The following EGFL6 variants were observed in gnomAD, a reference collection of about 807,000 sequenced individuals.
The protein encoded by EGFL6 is epidermal growth factor-like protein 6.
Under a neutral mutation model 43.1 loss-of-function variants are expected in EGFL6, and 42 were observed. The observed-to-expected ratio is 0.98, with a 90% confidence interval of 0.76 to 1.26. The LOEUF (loss-of-function observed/expected upper bound fraction) is 1.26, where lower values mean the gene tolerates loss of function less well. Among genes scored for constraint, EGFL6 ranks in the 50% most tolerant of loss-of-function variants. The pLI is 0.00. For missense variants in EGFL6, 429 were observed against 427.8 expected (o/e 1.00, Z -0.02); for synonymous variants, 164 against 163.2 (o/e 1.01, Z -0.04).
chrX:13,630,790 T>A (rs2045806514), intron 11 of EGFL6, among the ~76,000 whole-genome samples: 1 of 112,029 alleles, frequency 8.9e-6, no homozygotes, highest in South Asian at 3.7e-4. Flanking sequence ...AGCCTAAAGT[T>A]GCTTCATTTC....
intron 3 of EGFL6, among the ~76,000 whole-genome samples, chrX:13,595,722 CTTT>C (rs751094085): frequency 2.0e-5 from 2 of 100,344 alleles, no homozygotes; most frequent in Admixed American, 1.1e-4. Flanking sequence ...ACTTCATATA[CTTT>C]TTTTTTTTTT....
chrX:13,610,815 A>G (rs1225863156), intron 7 of EGFL6, among the ~76,000 whole-genome samples: 1 of 111,212 alleles, frequency 9.0e-6, no homozygotes, highest in Admixed American at 9.6e-5. Flanking sequence ...CCTGTTCAAA[A>G]TGGGGTTTAT....
At chrX:13,577,747 G>A (rs1197555342) in intron 1 of EGFL6, among the ~76,000 whole-genome samples, 1 of 112,177 alleles carries the variant, frequency 8.9e-6, no homozygotes, top group Non-Finnish European at 1.9e-5. Flanking sequence ...AAAGTGGACT[G>A]GCCAGAATCT....
At chrX:13,630,550 A>G (rs779309377) in intron 11 of EGFL6, among the ~76,000 whole-genome samples, 10 of 111,844 alleles carry the variant, frequency 8.9e-5, no homozygotes, top group Non-Finnish European at 1.7e-4. Flanking sequence ...TTCTGAAAGC[A>G]GTTCCCTCCT....
In EGFL6 at chrX:13,617,963, A is replaced by G; in HGVS notation, c.1012A>G (p.Lys338Glu). 8.3e-7 allele frequency: 1 copy of G among 1,212,028 alleles called. No individual in the cohort carries two copies. The highest frequency in any genetic ancestry group is 1.1e-6 in the Non-Finnish European group (1 of 895,545). Residue 338 changes from lysine (K) to glutamate (E), a missense_variant, in exon 8 of 12, where the codon AAA becomes GAA. Physicochemically the swap from Lys to Glu is moderately conservative, Grantham distance 56 (BLOSUM62 1). Coordinates refer to ENST00000361306, the MANE Select transcript of EGFL6 (RefSeq NM_015507.4). ...TGGAGGTAAAAAAGGGAATGAAGAG[A>G]AAATGAAAGAGGGGCTTGAGGATGA... ...SHGGKKGNEEKMKEGLEDEKR... is the reference protein window; with the variant it reads ...SHGGKKGNEEEMKEGLEDEKR...
intron 1 of EGFL6, among the ~76,000 whole-genome samples, chrX:13,581,425 C>T (rs2045505252): frequency 9.0e-6 from 1 of 110,824 alleles, no homozygotes; most frequent in Admixed American, 9.5e-5. Context: ...ACTTGCCATA[C>T]TGGGAGCTAT....
intron 10 of EGFL6, among the ~76,000 whole-genome samples, chrX:13,625,962 A>C (rs1205163656): frequency 1.8e-5 from 2 of 110,722 alleles, no homozygotes; most frequent in African/African-American, 6.6e-5. Context: ...GGATAAAACC[A>C]CAAAGACAGC....
At chrX:13,598,955 TA>T (rs1334428100) in intron 3 of EGFL6, among the ~76,000 whole-genome samples, 9 of 104,499 alleles carry the variant, frequency 8.6e-5, no homozygotes, top group African/African-American at 2.4e-4. Flanking sequence ...TATATATATA[TA>T]TATTTTTTTA....
intron 9 of EGFL6, 22 bp from the exon 10 acceptor site, chrX:13,623,802 A>G: frequency 8.6e-7 from 1 of 1,169,443 alleles, no homozygotes; most frequent in Non-Finnish European, 1.2e-6. Flanking sequence ...GGGTTATGAA[A>G]TATGTTCTTT....
chrX:13,621,917 C>CT (rs1200761425), intron 9 of EGFL6, among the ~76,000 whole-genome samples: 1 of 112,504 alleles, frequency 8.9e-6, no homozygotes, highest in Non-Finnish European at 1.9e-5. Flanking sequence ...AGTTTTATCT[C>CT]TGTATGGAAT....
chrX:13,604,606 CTT>C (rs969797904), intron 5 of EGFL6, among the ~76,000 whole-genome samples: 12 of 112,110 alleles, frequency 1.1e-4, no homozygotes, highest in Middle Eastern at 4.6e-3. Flanking sequence ...TGAAGCAACA[CTT>C]TTTTCACTTT....
intron 4 of EGFL6, 70 bp from the exon 5 acceptor site, chrX:13,603,247 G>A: frequency 9.2e-7 from 1 of 1,086,726 alleles, no homozygotes; most frequent in Non-Finnish European, 1.2e-6. Flanking sequence ...TCAGAATTTG[G>A]TGATAGTTTC....
intron 1 of EGFL6, among the ~76,000 whole-genome samples, chrX:13,579,312 C>T (rs5979912): frequency 0.045 from 5,031 of 111,172 alleles, 255 homozygotes; most frequent in African/African-American, 0.15. Context: ...TGGTTCTCAT[C>T]ATTTAGCTCC....
chrX:13,609,055 CAATAA>C (rs1301611834), intron 7 of EGFL6, among the ~76,000 whole-genome samples: 1 of 112,465 alleles, frequency 8.9e-6, no homozygotes, highest in Non-Finnish European at 1.9e-5. Context: ...AGACATCTAA[CAATAA>C]AATGTCACTG....
chrX:13,570,127 G>A (rs1280361182), intron 1 of EGFL6, among the ~76,000 whole-genome samples, 192 bp downstream of exon 1: 2 of 112,178 alleles, frequency 1.8e-5, no homozygotes, highest in South Asian at 3.7e-4. Flanking sequence ...CTCTCCTGTG[G>A]CGGGGCTTTG....
At chrX:13,616,681 G>A (rs1459637189) in intron 7 of EGFL6, among the ~76,000 whole-genome samples, 3 of 111,319 alleles carry the variant, frequency 2.7e-5, no homozygotes, top group Non-Finnish European at 5.7e-5. Flanking sequence ...TCTTAGCTCC[G>A]TCCCTAACAT....
In EGFL6 at chrX:13,597,072, G is replaced by A. The variant is rs766980322; in HGVS notation, c.280+2144G>A. On this transcript the variant is annotated intron_variant, in intron 3 of 11. Coordinates refer to ENST00000361306, the MANE Select transcript of EGFL6 (RefSeq NM_015507.4). ...GTGGGAGGTACTCCCGGCATCTAGT[G>A]AATGGAGCCCAGGGATGCCGCTAAA... 2.7e-5 allele frequency among the ~76,000 whole-genome samples: 3 copies of A among 112,301 alleles called. No individual in the cohort carries two copies. The South Asian group carries it at 1.1e-3, about 42-fold the overall frequency.
chrX:13,630,193 G>A (rs955221722), intron 11 of EGFL6, among the ~76,000 whole-genome samples: 1 of 111,516 alleles, frequency 9.0e-6, no homozygotes, highest in Non-Finnish European at 1.9e-5. Flanking sequence ...GGTAACAAAC[G>A]TCAGGAAAGG....
chrX:13,571,822 A>T (rs983674408), intron 1 of EGFL6, among the ~76,000 whole-genome samples: 12 of 111,862 alleles, frequency 1.1e-4, no homozygotes, highest in Non-Finnish European at 2.1e-4. Context: ...CCCATGTTTA[A>T]TCAGCTCTAG....
Sources: allele counts gnomAD v4.1 joint callset (sites outside exome capture counted in the v4.1 genomes callset), GRCh38; gene constraint gnomAD v4.1.1; transcripts MANE v1.5; gene names NCBI Gene and HGNC (gene_info 2026-07-23, HGNC 2026-07-21).